Variants in ELMO1 observed in about 807,000 individuals in gnomAD.
The protein encoded by ELMO1 is engulfment and cell motility 1, also known as engulfment and cell motility protein 1.
In ELMO1, 26 loss-of-function variants were observed where a neutral mutation model predicts 98.9. The observed-to-expected ratio is 0.26, with a 90% CI of 0.19 to 0.36. The LOEUF (loss-of-function observed/expected upper bound fraction) is 0.36. ELMO1 is among the 10% of genes least tolerant of loss of function. ELMO1 has a pLI of 1.00. For missense variants in ELMO1, 627 were observed against 935.2 expected (o/e 0.67, Z 4.30); for synonymous variants, 346 against 346.0 (o/e 1.00, Z 0.00).
chr7:37,137,797 A>C (rs549208126), intron 13 of ELMO1, among the ~76,000 whole-genome samples: 169 of 152,290 alleles, frequency 1.1e-3, no homozygotes, highest in African/African-American at 3.8e-3. Flanking sequence ...TCGGCCTTCC[A>C]AAGTGCTGGG....
At chr7:37,319,187 G>A (rs763150364) in intron 2 of ELMO1, among the ~76,000 whole-genome samples, 1 of 152,174 alleles carries the variant, frequency 6.6e-6, no homozygotes, top group East Asian at 1.9e-4. Context: ...TATTAAAAGT[G>A]GAAACAAAAA....
intron 1 of ELMO1, among the ~76,000 whole-genome samples, chr7:37,432,773 A>G (rs1175232335): frequency 6.6e-6 from 1 of 152,242 alleles, no homozygotes; most frequent in Non-Finnish European, 1.5e-5. Context: ...AGACGCTTCA[A>G]ATTCAACACT....
intron 13 of ELMO1, among the ~76,000 whole-genome samples, chr7:37,148,917 C>T (rs1237871298): frequency 6.6e-6 from 1 of 152,190 alleles, no homozygotes; most frequent in Admixed American, 6.5e-5. Context: ...CATTCATCCC[C>T]AGGGAGAGCA....
chr7:37,264,601 G>A (rs1194077977), intron 5 of ELMO1, among the ~76,000 whole-genome samples: 1 of 152,168 alleles, frequency 6.6e-6, no homozygotes, highest in Non-Finnish European at 1.5e-5. Context: ...TAATAGTCAT[G>A]TAGGTCTCTG....
intron 15 of ELMO1, among the ~76,000 whole-genome samples, chr7:37,066,584 A>G (rs565426972): frequency 1.3e-5 from 2 of 152,298 alleles, no homozygotes; most frequent in East Asian, 3.9e-4. Flanking sequence ...CCACCGTAGG[A>G]TGACTATAGT....
intron 15 of ELMO1, among the ~76,000 whole-genome samples, chr7:37,022,584 T>C (rs1047807110): frequency 3.3e-5 from 5 of 152,176 alleles, no homozygotes; most frequent in Admixed American, 1.3e-4. Context: ...AAACATGAAG[T>C]GTTGATAAGA....
chr7:37,365,957 A>G (rs1413294747), intron 1 of ELMO1, among the ~76,000 whole-genome samples: 1 of 152,238 alleles, frequency 6.6e-6, no homozygotes, highest in Non-Finnish European at 1.5e-5. Flanking sequence ...ATAAGAAAAT[A>G]TCTGATAGAT....
At chr7:37,336,497 G>A (rs574690920) in intron 2 of ELMO1, among the ~76,000 whole-genome samples, 45 of 152,320 alleles carry the variant, frequency 3.0e-4, no homozygotes, top group Non-Finnish European at 5.0e-4. Context: ...CGTCATGAGC[G>A]AACATGGACT....
At chr7:37,158,745 G>A (rs895516977) in intron 13 of ELMO1, among the ~76,000 whole-genome samples, 3 of 152,200 alleles carry the variant, frequency 2.0e-5, no homozygotes, top group African/African-American at 7.2e-5. Flanking sequence ...AGACAGTGTG[G>A]CGATTCCTCA....
chr7:37,337,469 A>T (rs540123847), intron 2 of ELMO1, among the ~76,000 whole-genome samples: 1 of 151,614 alleles, frequency 6.6e-6, no homozygotes, highest in East Asian at 1.9e-4. Flanking sequence ...AGGCACATGT[A>T]TACATATGTA....
chr7:37,024,781 A>C (rs1338507439), intron 15 of ELMO1, among the ~76,000 whole-genome samples: 1 of 152,244 alleles, frequency 6.6e-6, no homozygotes, highest in African/African-American at 2.4e-5. Context: ...TTAGTCATAA[A>C]ATGTTACACA....
chr7:37,233,267 G>A (rs1794282003), intron 7 of ELMO1, 73 bp from the exon 8 acceptor site: 1 of 1,345,760 alleles, frequency 7.4e-7, no homozygotes, highest in Non-Finnish European at 1.0e-6. Context: ...AGAAAGTTCT[G>A]GGAAAGTGAA....
At chr7:37,101,150 C>T (rs1784618916) in intron 14 of ELMO1, among the ~76,000 whole-genome samples, 1 of 152,204 alleles carries the variant, frequency 6.6e-6, no homozygotes, top group African/African-American at 2.4e-5. Context: ...TCTAGGGACT[C>T]ATGAAAGTAA....
At chr7:36,862,035 C>T (rs1363183963) in intron 20 of ELMO1, 1 of 358,010 alleles carries the variant, frequency 2.8e-6, no homozygotes. Context: ...AAGGTGACAG[C>T]ACCGCCTGCC....
intron 1 of ELMO1, among the ~76,000 whole-genome samples, chr7:37,379,184 C>T (rs556754182): frequency 1.3e-5 from 2 of 152,174 alleles, no homozygotes; most frequent in Middle Eastern, 6.8e-3. Context: ...GGACTACAGG[C>T]GCCTACCACC....
intron 13 of ELMO1, among the ~76,000 whole-genome samples, chr7:37,155,784 G>A (rs778053113): frequency 4.6e-5 from 7 of 151,978 alleles, no homozygotes; most frequent in African/African-American, 9.7e-5. Flanking sequence ...AAATTAACAC[G>A]GATATCCAGG....
chr7:37,378,134 T>C (rs10268944), intron 1 of ELMO1, among the ~76,000 whole-genome samples: 27,396 of 152,092 alleles, frequency 0.18, 3,115 homozygotes, highest in East Asian at 0.59. Context: ...TCCCTATGGA[T>C]GGGTTGGTCC....
chr7:37,013,184 A>T, intron 16 of ELMO1, 115 bp downstream of exon 16: 1 of 1,316,030 alleles, frequency 7.6e-7, no homozygotes, highest in Non-Finnish European at 1.0e-6. Flanking sequence ...CTATCATTGC[A>T]ATCTTCCTCA....
intron 14 of ELMO1, among the ~76,000 whole-genome samples, chr7:37,128,953 G>A (rs567578898): frequency 6.6e-6 from 1 of 152,108 alleles, no homozygotes; most frequent in African/African-American, 2.4e-5. Context: ...GGTGCAAAGA[G>A]AGTGGATGGA....
Sources: gnomAD v4.1 joint callset for allele counts (sites outside exome capture counted in the v4.1 genomes callset) on GRCh38, gnomAD v4.1.1 for gene constraint, MANE v1.5 for transcripts, NCBI Gene and HGNC (gene_info 2026-07-23, HGNC 2026-07-21) for gene names.